The following SUPT3H variants were observed in gnomAD, a reference collection of about 807,000 sequenced individuals.
SUPT3H encodes SPT3 homolog, SAGA and STAGA complex component, also known as transcription initiation protein SPT3 homolog.
A neutral mutation model predicts 44.3 loss-of-function variants in SUPT3H; 44 were observed. That is an observed-to-expected ratio of 0.99 (90% CI 0.78 to 1.28). The LOEUF is 1.28. SUPT3H is among the 50% of genes most tolerant of loss of function. SUPT3H has a pLI of 0.00. For synonymous variants in SUPT3H, 124 were observed against 125.6 expected (o/e 0.99, Z 0.09); for missense variants, 380 against 387.1 (o/e 0.98, Z 0.15).
chr6:45,349,094 A>G (rs1431049921), intron 2 of SUPT3H, among the ~76,000 whole-genome samples: 1 of 152,222 alleles, frequency 6.6e-6, no homozygotes, highest in Non-Finnish European at 1.5e-5. Flanking sequence ...GATCCTGATT[A>G]TAAATGTTAC....
intron 3 of SUPT3H, among the ~76,000 whole-genome samples, chr6:45,037,247 G>A (rs1052357962): frequency 4.6e-5 from 7 of 151,850 alleles, no homozygotes; most frequent in African/African-American, 1.7e-4. Context: ...GAAAGCTTTG[G>A]TAGGAGTGGC....
At chr6:44,830,782 C>A (rs940270215) in intron 10 of SUPT3H, among the ~76,000 whole-genome samples, 6 of 151,892 alleles carry the variant, frequency 4.0e-5, no homozygotes, top group Admixed American at 6.6e-5. Flanking sequence ...CAAAGAAAAT[C>A]ATAAAATTCA....
intron 2 of SUPT3H, chr6:45,328,849 T>C: frequency 6.7e-7 from 1 of 1,499,834 alleles, no homozygotes. Context: ...GTATGATTCT[T>C]TGATAAACTG....
chr6:44,998,678 GAC>G (rs1387897650), intron 6 of SUPT3H, among the ~76,000 whole-genome samples: 2 of 151,810 alleles, frequency 1.3e-5, no homozygotes, highest in Non-Finnish European at 2.9e-5. Flanking sequence ...ATTTAGAGGT[GAC>G]ACAGATTCAT....
At chr6:44,890,451 C>G (rs983743080) in intron 10 of SUPT3H, among the ~76,000 whole-genome samples, 8 of 151,918 alleles carry the variant, frequency 5.3e-5, no homozygotes, top group Non-Finnish European at 8.8e-5. Flanking sequence ...GAGTTCATGT[C>G]CTTTGTAGGG....
chr6:44,849,081 A>C (rs1196117293), intron 10 of SUPT3H, among the ~76,000 whole-genome samples: 2 of 152,234 alleles, frequency 1.3e-5, no homozygotes, highest in African/African-American at 4.8e-5. Flanking sequence ...AGTTTAACGT[A>C]ATTTCATGAA....
intron 10 of SUPT3H, among the ~76,000 whole-genome samples, chr6:44,883,923 G>A (rs1389942513): frequency 5.3e-5 from 8 of 152,086 alleles, no homozygotes; most frequent in Admixed American, 3.9e-4. Flanking sequence ...AACCCTAGAA[G>A]AAAACCTAGG....
Position 45,210,394 on chromosome 6 carries a change from A to G in SUPT3H, c.102-104388T>C, listed in dbSNP as rs964163777. Among the ~76,000 whole-genome samples, 8 of 152,318 alleles carry G rather than the reference A, an allele frequency of 5.3e-5. No individual in the cohort carries two copies. The South Asian group carries it at 1.2e-3, about 24-fold the overall frequency. On this transcript the variant is annotated intron_variant, in intron 2 of 10. Transcript: ENST00000371459. Reference sequence around the variant, plus strand: ...TTGTTTCACTAAGCCTGACAAAGGCATAAGTGACTATTCCTCTACCCTCCT... The same window carrying G: ...TTGTTTCACTAAGCCTGACAAAGGCGTAAGTGACTATTCCTCTACCCTCCT...
At chr6:44,819,053 G>A (rs1394561847) in intron 11 of SUPT3H, among the ~76,000 whole-genome samples, 2 of 152,102 alleles carry the variant, frequency 1.3e-5, no homozygotes, top group African/African-American at 4.8e-5. Flanking sequence ...TAATAGCAAC[G>A]AAATGGAAAC....
chr6:45,286,593 C>T (rs1454949375), intron 2 of SUPT3H, among the ~76,000 whole-genome samples: 1 of 152,160 alleles, frequency 6.6e-6, no homozygotes, highest in Non-Finnish European at 1.5e-5. Context: ...GAGGAAACAA[C>T]AGGTGCTGGA....
chr6:45,200,680 C>A (rs7738526), intron 2 of SUPT3H, among the ~76,000 whole-genome samples: 87,440 of 151,066 alleles, frequency 0.58, 26,110 homozygotes, highest in African/African-American at 0.73. Flanking sequence ...AGAAGTCACA[C>A]AGTTATTAAG....
intron 10 of SUPT3H, among the ~76,000 whole-genome samples, chr6:44,890,537 C>A (rs1465761810): frequency 1.4e-5 from 2 of 142,324 alleles, no homozygotes; most frequent in Non-Finnish European, 3.0e-5. Flanking sequence ...CATATTCTCA[C>A]TCATAGGTGG....
intron 2 of SUPT3H, among the ~76,000 whole-genome samples, chr6:45,235,165 G>A (rs1325196037): frequency 6.6e-6 from 1 of 152,068 alleles, no homozygotes; most frequent in Non-Finnish European, 1.5e-5. Flanking sequence ...ACAAATTAAA[G>A]GGAAATGATA....
intron 3 of SUPT3H, among the ~76,000 whole-genome samples, chr6:45,022,204 A>T (rs1041193744): frequency 3.9e-5 from 6 of 152,076 alleles, no homozygotes; most frequent in African/African-American, 1.4e-4. Context: ...AACACTATAC[A>T]GACACATGTA....
At chr6:45,177,739 G>A (rs1480598983) in intron 2 of SUPT3H, among the ~76,000 whole-genome samples, 1 of 151,964 alleles carries the variant, frequency 6.6e-6, no homozygotes, top group Non-Finnish European at 1.5e-5. Context: ...AACTCTACAA[G>A]CCAGAAGAGA....
chr6:44,883,180 C>G lies in SUPT3H; in HGVS notation c.912+49473G>C, dbSNP rs1170548709. On this transcript the variant is annotated intron_variant, in intron 10 of 10. Transcript: ENST00000371459. ...ATCTCCTTAAGCTGATAAGCAACTT[C>G]AGCAAAGTCTCAGGATGCAAAATCA... Among the ~76,000 whole-genome samples, 4 of 152,194 alleles carry G rather than the reference C, an allele frequency of 2.6e-5. No homozygotes were observed. The East Asian group carries it at 7.7e-4, about 29-fold the overall frequency.
chr6:45,211,355 C>T (rs1003387086), intron 2 of SUPT3H, among the ~76,000 whole-genome samples: 1 of 152,042 alleles, frequency 6.6e-6, no homozygotes, highest in South Asian at 2.1e-4. Context: ...TATTTTTATA[C>T]TGTAAAGTTT....
At chr6:44,969,396 C>T (rs1777239357) in intron 6 of SUPT3H, among the ~76,000 whole-genome samples, 1 of 145,842 alleles carries the variant, frequency 6.9e-6, no homozygotes, top group Non-Finnish European at 1.6e-5. Context: ...TTCAGTGACA[C>T]ATTTCAGTAA....
At chr6:44,967,273 G>A (rs978579686) in intron 6 of SUPT3H, among the ~76,000 whole-genome samples, 3 of 152,060 alleles carry the variant, frequency 2.0e-5, no homozygotes, top group Non-Finnish European at 4.4e-5. Context: ...TCTCACTACC[G>A]GGAAGTTACA....
Sources: gnomAD v4.1 joint callset for allele counts (sites outside exome capture counted in the v4.1 genomes callset) on GRCh38, gnomAD v4.1.1 for gene constraint, MANE v1.5 for transcripts, NCBI Gene and HGNC (gene_info 2026-07-23, HGNC 2026-07-21) for gene names.